The following KCNN3 variants were observed in gnomAD, a reference collection of about 807,000 sequenced individuals.
KCNN3 encodes potassium calcium-activated channel subfamily N member 3.
KCNN3 carries 16 observed loss-of-function variants against 62.9 expected under a neutral mutation model. The observed-to-expected ratio is 0.25, with a 90% CI of 0.17 to 0.39. KCNN3 has a LOEUF of 0.39. Ranked by LOEUF, KCNN3 falls within the 10% of genes least tolerant of loss-of-function variation. The pLI is 1.00. For missense variants in KCNN3, 599 were observed against 949.4 expected, an observed-to-expected ratio of 0.63 and a Z score of 4.85; for synonymous variants, 370 against 389.2, an observed-to-expected ratio of 0.95 and a Z score of 0.58.
chr1:154,741,933 C>T lies in KCNN3; in HGVS notation c.1449-8789G>A, dbSNP rs181767236. 4.6e-5 allele frequency among the ~76,000 whole-genome samples: 7 copies of T among 152,334 alleles called. No homozygotes were observed. In the East Asian group the frequency reaches 7.7e-4, roughly 17 times the overall value. On this transcript the variant is annotated intron_variant, in intron 3 of 7. Transcript: ENST00000271915. ...CACTGAGCTGTGAACCCTGTGCTTG[C>T]GAATTTCTCCAATGAGGAAGCCAAC...
chr1:154,741,827 T>C (rs1427066452), intron 3 of KCNN3, among the ~76,000 whole-genome samples: 2 of 152,244 alleles, frequency 1.3e-5, no homozygotes, highest in African/African-American at 4.8e-5. Flanking sequence ...CCAGATCCTC[T>C]GCAGAACTCC....
In KCNN3 at chr1:154,862,742, A is replaced by C. The variant is rs118089537; in HGVS notation, c.933+6290T>G. On this transcript the variant is annotated intron_variant, in intron 1 of 7. Coordinates refer to ENST00000271915, the MANE Select transcript of KCNN3 (RefSeq NM_002249.6). This position sits in a 1 kb window ranked among gnomAD's most constrained non-coding sequence, Gnocchi z 4.1. ...CACTTGCCCTGGCCACCCCTCCAGC[A>C]CTGTCTTCTCCAGGACCTGCGCCAG... 4.6e-5 allele frequency among the ~76,000 whole-genome samples: 7 copies of C among 152,092 alleles called. No individual in the cohort carries two copies. In the East Asian group the frequency reaches 1.4e-3, roughly 29 times the overall value.
chr1:154,784,511 C>A (rs575364566), intron 2 of KCNN3, among the ~76,000 whole-genome samples: 2 of 152,234 alleles, frequency 1.3e-5, no homozygotes, highest in Non-Finnish European at 2.9e-5. Flanking sequence ...AGCGTCCCAC[C>A]CTTCCACAGG....
rs146108975 is a variant in KCNN3 at position 154,765,197 on chromosome 1, A to G, written c.1448+6778T>C. Among the ~76,000 whole-genome samples, 9 of 152,222 alleles carry G rather than the reference A, an allele frequency of 5.9e-5. No individual in the cohort carries two copies. In the East Asian group the frequency reaches 1.7e-3, roughly 29 times the overall value. Reference sequence around the variant, plus strand: ...AAGAGGAATCCGTTTCGATCTGCCTACTCTGATCTACCATCCCCACACACA... The same window carrying G: ...AAGAGGAATCCGTTTCGATCTGCCTGCTCTGATCTACCATCCCCACACACA... On this transcript the variant is annotated intron_variant, in intron 3 of 7. Coordinates refer to ENST00000271915, the MANE Select transcript of KCNN3 (RefSeq NM_002249.6).
In KCNN3 at chr1:154,869,828, G is replaced by A. The variant is rs576968004; in HGVS notation, c.137C>T (p.Ala46Val). ...QQQQQQPPPP[A>V]PPAAPQQPLG... is the part of the protein sequence containing the mutation. ...GGGCTGCTGGGGGGCTGCTGGTGGC[G>A]CTGGCGGTGGTGGCTGCTGCTGCTG... Residue 46 changes from alanine (A) to valine (V), a missense_variant, in exon 1 of 8, where the codon GCG (alanine) becomes GTG (valine). Ala to Val is a moderately conservative substitution (Grantham distance 64). Transcript: ENST00000271915. This position sits in a 1 kb window ranked among gnomAD's most constrained non-coding sequence, Gnocchi z 6.1. The A allele has an allele frequency of 1.0e-5, 16 of 1,563,660 alleles. No individual in the cohort carries two copies. The African/African-American group carries it at 1.8e-4, about 17-fold the overall frequency.
chr1:154,758,893 C>T (rs1437202649), intron 3 of KCNN3, among the ~76,000 whole-genome samples: 1 of 151,082 alleles, frequency 6.6e-6, no homozygotes, highest in African/African-American at 2.4e-5. Context: ...CTGCATCCTC[C>T]ACCTCCTGAG....
chr1:154,815,055 C>T (rs528969749), intron 2 of KCNN3, among the ~76,000 whole-genome samples: 7 of 152,306 alleles, frequency 4.6e-5, no homozygotes, highest in Middle Eastern at 3.4e-3. Flanking sequence ...CCCTTCAGTA[C>T]GAGTGGCCCG....
intron 3 of KCNN3, among the ~76,000 whole-genome samples, chr1:154,769,075 A>G (rs1648431141): frequency 6.6e-6 from 1 of 151,846 alleles, no homozygotes; most frequent in African/African-American, 2.4e-5. Flanking sequence ...ACTTTCTATC[A>G]GTTTCCTCAA....
intron 2 of KCNN3, among the ~76,000 whole-genome samples, chr1:154,805,119 G>A (rs1026596546): frequency 4.6e-5 from 7 of 152,114 alleles, no homozygotes; most frequent in Non-Finnish European, 8.8e-5. Context: ...AATGCTGCTC[G>A]GCACACAGTC....
intron 1 of KCNN3, among the ~76,000 whole-genome samples, chr1:154,857,044 T>G (rs1445012989): frequency 6.6e-6 from 1 of 152,186 alleles, no homozygotes; most frequent in African/African-American, 2.4e-5. Flanking sequence ...TCAGACCTGT[T>G]GTTACTTGTT....
At chr1:154,723,343 T>C (rs1456337161) in intron 5 of KCNN3, among the ~76,000 whole-genome samples, 3 of 152,220 alleles carry the variant, frequency 2.0e-5, no homozygotes, top group East Asian at 3.8e-4. Flanking sequence ...TTTCAACAGA[T>C]TTAAGTGTTC....
intron 2 of KCNN3, among the ~76,000 whole-genome samples, chr1:154,779,168 C>G (rs979418177): frequency 1.5e-4 from 23 of 152,116 alleles, no homozygotes; most frequent in African/African-American, 5.6e-4. Context: ...CTGAGCCCAG[C>G]CCAAATGACT....
intron 3 of KCNN3, among the ~76,000 whole-genome samples, chr1:154,766,416 T>TATATATATATATATATATATA (rs1553231981): frequency 8.4e-5 from 6 of 71,812 alleles, no homozygotes; most frequent in African/African-American, 5.1e-5. Context: ...TAGCCAGGCT[T>TATATATATATATATATATATA]TATATATATA....
At chr1:154,802,538 G>A (rs1650002700) in intron 2 of KCNN3, among the ~76,000 whole-genome samples, 1 of 152,208 alleles carries the variant, frequency 6.6e-6, no homozygotes, top group African/African-American at 2.4e-5. Flanking sequence ...CAGGGGCTCA[G>A]CATTATCCAG....
At chr1:154,819,789 A>T (rs1341806231) in intron 2 of KCNN3, among the ~76,000 whole-genome samples, 2 of 152,166 alleles carry the variant, frequency 1.3e-5, no homozygotes, top group Non-Finnish European at 2.9e-5. Context: ...AGTACCAGGC[A>T]GTCGTGATAG....
At chr1:154,802,087 T>A (rs928359537) in intron 2 of KCNN3, among the ~76,000 whole-genome samples, 1 of 152,226 alleles carries the variant, frequency 6.6e-6, no homozygotes, top group African/African-American at 2.4e-5. Flanking sequence ...CCATACTGAA[T>A]TCCTACCCTG....
chr1:154,813,208 C>CTTT (rs57970335), intron 2 of KCNN3, among the ~76,000 whole-genome samples: 1 of 88,324 alleles, frequency 1.1e-5, no homozygotes, highest in Non-Finnish European at 2.7e-5. Flanking sequence ...TGTTAGGCTG[C>CTTT]TTTTTTTTTT....
At position 154,718,661 on chromosome 1, in the gene KCNN3, C is replaced by T. The variant is rs980504582; in HGVS notation, c.1702-3658G>A. Among the ~76,000 whole-genome samples the T allele has an allele frequency of 7.2e-5, 11 of 152,268 alleles. No individual in the cohort carries two copies. The East Asian group carries it at 7.7e-4, about 11-fold the overall frequency. ...CAAATCAATAACATTGCTGCGCTTA[C>T]GGAACTTACAATCCTGCGGAGAAGA... On this transcript the variant is annotated intron_variant, in intron 5 of 7. Transcript: ENST00000271915.
chr1:154,802,240 C>T (rs533250739), intron 2 of KCNN3, among the ~76,000 whole-genome samples: 15 of 152,256 alleles, frequency 9.9e-5, no homozygotes, highest in African/African-American at 2.6e-4. Context: ...GGGATTTAAA[C>T]GTGGATCTAT....
Sources: gnomAD v4.1 joint callset for allele counts (sites outside exome capture counted in the v4.1 genomes callset) on GRCh38, gnomAD v4.1.1 for gene constraint, Gnocchi (gnomAD v3.1) non-coding constraint, MANE v1.5 for transcripts, NCBI Gene and HGNC (gene_info 2026-07-23, HGNC 2026-07-21) for gene names.